The following ARFGEF3 variants were observed in gnomAD, a reference collection of about 807,000 sequenced individuals.
ARFGEF3 encodes ARFGEF family member 3.
Under a neutral mutation model 221.7 loss-of-function variants are expected in ARFGEF3, and 96 were observed. The observed-to-expected ratio is 0.43, with a 90% CI of 0.37 to 0.51. ARFGEF3 has a LOEUF of 0.51. ARFGEF3 is among the 20% of genes least tolerant of loss of function. The pLI is 0.00. For missense variants in ARFGEF3, 2,410 were observed against 2,789.9 expected, an observed-to-expected ratio of 0.86 and a Z score of 3.07; for synonymous variants, 1,145 against 1,126.8, an observed-to-expected ratio of 1.02 and a Z score of -0.32.
In ARFGEF3 at chr6:138,291,675, A is replaced by G. The variant is rs1278001837; in HGVS notation, c.3048-58A>G. The G allele has an allele frequency of 8.2e-6, 10 of 1,226,136 alleles. No individual in the cohort carries two copies. The highest frequency in any genetic ancestry group is 1.1e-5 in the Non-Finnish European group (10 of 951,914). The allele number at this position is 1,226,136 out of a possible 1,614,324, so 76.0% of individuals were successfully genotyped here. ...TCCTTTGTCTGGCACTGTGGGGTTT[A>G]TGGAGCTGCCGGGGTGAGCTGCAGC... On this transcript the variant is annotated intron_variant, in intron 18 of 33. Transcript: ENST00000251691. The surrounding 1 kb of genome is among the most constrained non-coding windows in gnomAD (Gnocchi z 4.5).
chr6:138,210,531 G>A (rs1777705889), intron 4 of ARFGEF3, among the ~76,000 whole-genome samples: 1 of 150,466 alleles, frequency 6.6e-6, no homozygotes, highest in Admixed American at 6.6e-5. Flanking sequence ...TTCATTCCAA[G>A]TACCGCCTTC....
At chr6:138,308,931 G>C (rs1779776163) in intron 24 of ARFGEF3, 70 bp downstream of exon 24, 1 of 1,579,602 alleles carries the variant, frequency 6.3e-7, no homozygotes, top group African/African-American at 1.3e-5. Flanking sequence ...TGTGGCTGGA[G>C]ACAGGGCCTA....
At chr6:138,192,191 A>G (rs1777316676) in intron 2 of ARFGEF3, among the ~76,000 whole-genome samples, 1 of 152,178 alleles carries the variant, frequency 6.6e-6, no homozygotes, top group South Asian at 2.1e-4. Flanking sequence ...GCCTCTTTAC[A>G]GAAATCAGCT....
chr6:138,202,217 C>T (rs1375844070), intron 2 of ARFGEF3, among the ~76,000 whole-genome samples: 3 of 152,120 alleles, frequency 2.0e-5, no homozygotes, highest in African/African-American at 7.2e-5. Context: ...GCCCTTTTCC[C>T]AATGAGGCAG....
rs149655221 is a variant in ARFGEF3, at chr6:138,286,909, C to T, written c.2778C>T (p.Cys926=). Residue 926 remains cysteine (C), a synonymous_variant, in exon 16 of 34, where the codon TGC becomes TGT. Transcript: ENST00000251691. ...TGCGGAAAGCCGCACGGCTGAGCTG[C>T]GCTCTAGGTACCAGCGGGAGTAGTG... ...DGLRKAARLS[C]ALGVAANCAS... 8 of 1,612,704 alleles carry T rather than the reference C, an allele frequency of 5.0e-6. No individual in the cohort carries two copies. Among genetic ancestry groups the T allele is most frequent in the African/African-American group, 1.3e-5 (1 of 74,916 alleles).
intron 26 of ARFGEF3, among the ~76,000 whole-genome samples, chr6:138,315,257 A>G (rs535409866): frequency 8.5e-5 from 13 of 152,316 alleles, no homozygotes; most frequent in African/African-American, 2.9e-4. Flanking sequence ...TTTGTTTCCA[A>G]TTAGGTCCCA....
rs777855834 is a variant in ARFGEF3 at position 138,334,978 on chromosome 6, G to C, written c.6132G>C (p.Glu2044Asp). The change falls in exon 33 of 34, where the codon GAG becomes GAC. Residue 2044 changes from glutamate to aspartate, a missense_variant. Glu to Asp is a conservative substitution (Grantham distance 45, BLOSUM62 2). Coordinates refer to ENST00000251691, the MANE Select transcript of ARFGEF3 (RefSeq NM_020340.5). The surrounding 1 kb of genome is among the most constrained non-coding windows in gnomAD (Gnocchi z 5.1). ...ACAACCTGTCCGCGTTCCCCAAAGA[G>C]GTCAAAGTGGAGAAGAAAGGAGAGC... ...QQHNLSAFPKEVKVEKKGEPL... is the reference protein window; with the variant it reads ...QQHNLSAFPKDVKVEKKGEPL... 10 of 1,585,842 alleles carry C rather than the reference G, an allele frequency of 6.3e-6. No individual in the cohort carries two copies. The highest frequency in any genetic ancestry group is 8.6e-6 in the Non-Finnish European group (10 of 1,166,768).
chr6:138,230,577 G>C (rs927673972), intron 5 of ARFGEF3, among the ~76,000 whole-genome samples: 2 of 152,210 alleles, frequency 1.3e-5, no homozygotes, highest in Non-Finnish European at 2.9e-5. Flanking sequence ...AAATGATGGA[G>C]AAAAAGGCTA....
chr6:138,323,888 A>T (rs992921544), intron 30 of ARFGEF3, 115 bp downstream of exon 30: 18 of 1,527,136 alleles, frequency 1.2e-5, no homozygotes, highest in Non-Finnish European at 1.5e-5. Context: ...GTCTCACTTT[A>T]GATCTTGCAG....
chr6:138,190,382 T>C (rs996532917), intron 2 of ARFGEF3, among the ~76,000 whole-genome samples: 7 of 151,778 alleles, frequency 4.6e-5, no homozygotes, highest in Non-Finnish European at 7.4e-5. Flanking sequence ...TTTGGAAGGA[T>C]GGATGGATGT....
intron 1 of ARFGEF3, among the ~76,000 whole-genome samples, chr6:138,169,259 A>G (rs139666465): frequency 6.6e-6 from 1 of 152,254 alleles, no homozygotes; most frequent in Non-Finnish European, 1.5e-5. Flanking sequence ...GCAAAGCTGC[A>G]GGCCATTTTC....
rs994765471 is a variant in ARFGEF3 at position 138,313,951 on chromosome 6, G to T, written c.4345+12G>T. On this transcript the variant is annotated intron_variant, in intron 26 of 33. Transcript: ENST00000251691. ...TGATGATGACACCGGTAAGCTAATTGATTGGACTAAACTAGGTTATTTGCT... is the reference window on the plus strand; with the variant it reads ...TGATGATGACACCGGTAAGCTAATTTATTGGACTAAACTAGGTTATTTGCT... 2.5e-6 allele frequency: 4 copies of T among 1,613,104 alleles called. No homozygotes were observed. In the African/African-American group the frequency reaches 5.3e-5, roughly 21 times the overall value.
chr6:138,283,164 G>C (rs1016492042), intron 14 of ARFGEF3, among the ~76,000 whole-genome samples: 16 of 152,344 alleles, frequency 1.1e-4, no homozygotes, highest in African/African-American at 3.1e-4. Flanking sequence ...CCTTTCAGTA[G>C]GGATGGCAGG....
At chr6:138,285,874 TGTG>T in intron 14 of ARFGEF3, 69 bp from the exon 15 acceptor site, 1 of 827,538 alleles carries the variant, frequency 1.2e-6, no homozygotes, top group Non-Finnish European at 2.1e-6. Flanking sequence ...AAATGAATAT[TGTG>T]GTGGCCATTT....
At position 138,337,378 on chromosome 6, in the gene ARFGEF3, C is replaced by T. The variant is rs1020636572; in HGVS notation, c.*892C>T. On this transcript the variant is annotated 3_prime_UTR_variant, in exon 34 of 34. Coordinates refer to ENST00000251691, the MANE Select transcript of ARFGEF3 (RefSeq NM_020340.5). ...CTTTGTTGCACTTCCATTTCCATGC[C>T]CCACAATTGTCTGAACATAAGGTAT... 7.8e-4 allele frequency: 119 copies of T among 152,540 alleles called. No homozygotes were observed. Among genetic ancestry groups the T allele is most frequent in the Non-Finnish European group, 1.3e-4 (9 of 68,042 alleles). The allele number at this position is 152,540 out of a possible 1,614,324, so 9.4% of individuals were successfully genotyped here.
At chr6:138,275,541 C>T (rs966518314) in intron 12 of ARFGEF3, among the ~76,000 whole-genome samples, 9 of 151,924 alleles carry the variant, frequency 5.9e-5, no homozygotes, top group Non-Finnish European at 8.8e-5. Context: ...ACGAGGTCTT[C>T]GAGACCAGCC....
rs116490994 is a variant in ARFGEF3 at position 138,284,451 on chromosome 6, A to G, written c.2462-1495A>G. On this transcript the variant is annotated intron_variant, in intron 14 of 33. Transcript: ENST00000251691. Reference sequence around the variant, plus strand: ...CTTTTCCAGTGATTACTTCCTTTATACTGAGGAACTTGGGGCCTTGGCGAG... The same window carrying G: ...CTTTTCCAGTGATTACTTCCTTTATGCTGAGGAACTTGGGGCCTTGGCGAG... Among the ~76,000 whole-genome samples the G allele has an allele frequency of 4.6e-3, 705 of 152,248 alleles. 7 individuals carry two copies. Among genetic ancestry groups the G allele is most frequent in the African/African-American group, 0.016 (685 of 41,536 alleles).
chr6:138,206,308 T>C (rs951255259), intron 2 of ARFGEF3, among the ~76,000 whole-genome samples: 3 of 152,108 alleles, frequency 2.0e-5, no homozygotes, highest in African/African-American at 7.2e-5. Flanking sequence ...AATGCCCTTG[T>C]TTTCCCTAAC....
At chr6:138,167,513 C>G (rs1044394711) in intron 1 of ARFGEF3, among the ~76,000 whole-genome samples, 1 of 152,216 alleles carries the variant, frequency 6.6e-6, no homozygotes, top group African/African-American at 2.4e-5. Flanking sequence ...TCTGGTGTTT[C>G]TAAATGATCA....
Sources: allele counts gnomAD v4.1 joint callset (sites outside exome capture counted in the v4.1 genomes callset), GRCh38; gene constraint gnomAD v4.1.1; non-coding constraint Gnocchi (gnomAD v3.1); transcripts MANE v1.5; gene names NCBI Gene and HGNC (gene_info 2026-07-23, HGNC 2026-07-21).